Variants in CPEB4 observed in about 807,000 individuals in gnomAD.
CPEB4 encodes cytoplasmic polyadenylation element binding protein 4.
CPEB4 carries 12 observed loss-of-function variants against 72.5 expected under a neutral mutation model. That is an observed-to-expected ratio of 0.17 (90% confidence interval 0.11 to 0.27). The LOEUF (loss-of-function observed/expected upper bound fraction) is 0.27. Among genes scored for constraint, CPEB4 ranks in the 10% least tolerant of loss-of-function variants. CPEB4 has a pLI of 1.00. For missense variants in CPEB4, 614 were observed against 908.5 expected (o/e 0.68, Z 4.17); for synonymous variants, 302 against 326.3 (o/e 0.93, Z 0.80).
chr5:173,902,175 A>G (rs1195714475), intron 1 of CPEB4, among the ~76,000 whole-genome samples: 2 of 152,112 alleles, frequency 1.3e-5, no homozygotes, highest in African/African-American at 2.4e-5. Flanking sequence ...CAAAATTTCT[A>G]TTTATTTTGG....
intron 2 of CPEB4, among the ~76,000 whole-genome samples, chr5:173,919,536 A>G (rs1447826460): frequency 6.6e-6 from 1 of 152,206 alleles, no homozygotes; most frequent in Admixed American, 6.5e-5. Flanking sequence ...ATAAAATTCT[A>G]TAGAGGTGAC....
chr5:173,951,597 G>A (rs1758218701), intron 7 of CPEB4, among the ~76,000 whole-genome samples: 1 of 152,110 alleles, frequency 6.6e-6, no homozygotes. Context: ...AAGTAATTTG[G>A]CTTATAATAG....
chr5:173,942,988 G>GT (rs1561628879), intron 3 of CPEB4, 38 bp from the exon 4 acceptor site: 3 of 1,598,606 alleles, frequency 1.9e-6, no homozygotes, highest in African/African-American at 1.4e-5. Flanking sequence ...AGGTTGTTTT[G>GT]TTTTTTTGTT....
chr5:173,917,346 T>G (rs977441917), intron 2 of CPEB4, among the ~76,000 whole-genome samples: 1 of 152,216 alleles, frequency 6.6e-6, no homozygotes, highest in Non-Finnish European at 1.5e-5. Flanking sequence ...TAAGAACAGA[T>G]TACTGGTACC....
intron 3 of CPEB4, among the ~76,000 whole-genome samples, chr5:173,933,105 G>A (rs1157630638): frequency 1.3e-5 from 2 of 152,118 alleles, no homozygotes; most frequent in African/African-American, 4.8e-5. Context: ...TTTAGTGTCT[G>A]TTTTTTTAGT....
At chr5:173,923,591 A>G (rs1757144367) in intron 2 of CPEB4, among the ~76,000 whole-genome samples, 1 of 152,140 alleles carries the variant, frequency 6.6e-6, no homozygotes, top group African/African-American at 2.4e-5. Context: ...AACTTTTTGC[A>G]AGGTAGGAGA....
intron 9 of CPEB4, 158 bp downstream of exon 9, chr5:173,953,430 T>C (rs1758275552): frequency 4.3e-6 from 2 of 468,116 alleles, no homozygotes; most frequent in South Asian, 7.2e-5. Context: ...TAATGTCCTA[T>C]GAATTTCTTT....
In CPEB4 at chr5:173,890,551, A is replaced by G. The variant is rs1337139175; in HGVS notation, c.818A>G (p.His273Arg). The change falls in exon 1 of 10, where the codon CAT becomes CGT. Residue 273 changes from histidine (H) to arginine (R), a missense_variant. By Grantham distance (29) the His-to-Arg change is conservative. Coordinates refer to ENST00000265085, the MANE Select transcript of CPEB4 (RefSeq NM_030627.4). Reference sequence around the variant, plus strand: ...AATGCTGCTTTTAACCAGCTGCCTCATTTGGCGAATAATCTTAACAAACCC... The same window carrying G: ...AATGCTGCTTTTAACCAGCTGCCTCGTTTGGCGAATAATCTTAACAAACCC... ...HRNAAFNQLP[H>R]LANNLNKPPS... The G allele has an allele frequency of 1.2e-6, 2 of 1,614,046 alleles. No homozygotes were observed. The highest frequency in any genetic ancestry group is 1.7e-6 in the Non-Finnish European group (2 of 1,180,020).
At chr5:173,939,091 A>G (rs1685780815) in intron 3 of CPEB4, among the ~76,000 whole-genome samples, 2 of 152,346 alleles carry the variant, frequency 1.3e-5, no homozygotes, top group South Asian at 2.1e-4. Flanking sequence ...AGTTGAGACC[A>G]GCCTGGGCAA....
intron 2 of CPEB4, among the ~76,000 whole-genome samples, chr5:173,917,445 G>A (rs985572568): frequency 1.1e-4 from 17 of 152,228 alleles, no homozygotes; most frequent in Non-Finnish European, 1.8e-4. Flanking sequence ...TAAAGAAGAA[G>A]TGGATAGGCT....
intron 9 of CPEB4, 61 bp downstream of exon 9, chr5:173,953,333 A>G: frequency 7.7e-7 from 1 of 1,302,862 alleles, no homozygotes; most frequent in Middle Eastern, 2.0e-4. Context: ...TGTGATTACC[A>G]ATATTAGAAC....
intron 1 of CPEB4, among the ~76,000 whole-genome samples, chr5:173,903,956 A>G (rs1042602374): frequency 1.3e-5 from 2 of 152,228 alleles, no homozygotes; most frequent in African/African-American, 4.8e-5. Context: ...TTGTCCTGTG[A>G]AGTAGAGATG....
At position 173,910,610 on chromosome 5, in the gene CPEB4, T is replaced by A; in HGVS notation, c.1207+6T>A. ...TGAAAATGATACCATTAAAGGTAAG[T>A]TTAGAAATATACCCAATTGATTTCA... On this transcript the variant is annotated splice_donor_region_variant and intron_variant, in intron 2 of 9. Coordinates refer to ENST00000265085, the MANE Select transcript of CPEB4 (RefSeq NM_030627.4). 6.5e-7 allele frequency: 1 copy of A among 1,534,638 alleles called. No homozygotes were observed. Among genetic ancestry groups the A allele is most frequent in the Non-Finnish European group, 9.0e-7 (1 of 1,107,952 alleles).
Position 173,943,085 on chromosome 5 carries a change from T to C in CPEB4, c.1282+36T>C, listed in dbSNP as rs776151257. On this transcript the variant is annotated intron_variant, in intron 4 of 9. Transcript: ENST00000265085. Reference sequence around the variant, plus strand: ...TTTTAACTTTTAAATGTATCACTTGTATTTGGAGACGACCCAAGCTTGTTT... The same window carrying C: ...TTTTAACTTTTAAATGTATCACTTGCATTTGGAGACGACCCAAGCTTGTTT... 3 of 1,604,736 alleles carry C rather than the reference T, an allele frequency of 1.9e-6. No individual in the cohort carries two copies. In the East Asian group the frequency reaches 6.7e-5, roughly 36 times the overall value.
At position 173,888,460 on chromosome 5, in the gene CPEB4, G is replaced by C. The variant is rs972121449; in HGVS notation, c.-1274G>C. 58 of 440,174 alleles carry C rather than the reference G, an allele frequency of 1.3e-4. No individual in the cohort carries two copies. Among genetic ancestry groups the C allele is most frequent in the Non-Finnish European group, 2.1e-4 (54 of 253,718 alleles). 27.3% of individuals were successfully genotyped at this position (440,174 alleles called of 1,614,324 possible). A position where few individuals can be genotyped will look rare whatever the true frequency, so the allele number is the denominator to read the frequency against. ...AGCGGCGACAGCAGAGGAGGAAGAG[G>C]AGGAAGAAGGAAAGAAAAAGAAGAA... On this transcript the variant is annotated 5_prime_UTR_variant, in exon 1 of 10. Coordinates refer to ENST00000265085, the MANE Select transcript of CPEB4 (RefSeq NM_030627.4). This position sits in a 1 kb window ranked among gnomAD's most constrained non-coding sequence, Gnocchi z 4.3.
At chr5:173,949,480 T>C (rs977968384) in intron 5 of CPEB4, 28 bp from the exon 6 acceptor site, 1 of 1,465,432 alleles carries the variant, frequency 6.8e-7, no homozygotes, top group South Asian at 1.2e-5. Context: ...AATATTTAAA[T>C]CTACTGTTTT....
chr5:173,888,982 A>C lies in CPEB4; in HGVS notation c.-752A>C, dbSNP rs1018587895. ...GAGCCCAGGAACAGCGACCGCAGCA[A>C]GATCTGCACCCGGAGCCTCAGGAAC... On this transcript the variant is annotated 5_prime_UTR_variant, in exon 1 of 10. Transcript: ENST00000265085. This position sits in a 1 kb window ranked among gnomAD's most constrained non-coding sequence, Gnocchi z 4.3. 6.4e-6 allele frequency: 1 copy of C among 155,172 alleles called. No individual in the cohort carries two copies. Among genetic ancestry groups the C allele is most frequent in the Non-Finnish European group, 1.4e-5 (1 of 69,890 alleles). The allele number at this position is 155,172 out of a possible 1,614,324, so 9.6% of individuals were successfully genotyped here. A position where few individuals can be genotyped will look rare whatever the true frequency, so the allele number is the denominator to read the frequency against.
At chr5:173,903,904 T>C (rs1407832913) in intron 1 of CPEB4, among the ~76,000 whole-genome samples, 1 of 152,228 alleles carries the variant, frequency 6.6e-6, no homozygotes, top group East Asian at 1.9e-4. Context: ...TTTTATCAAC[T>C]TTGATTTTCA....
At position 173,957,816 on chromosome 5, in the gene CPEB4, A is replaced by G. The variant is rs565606808; in HGVS notation, c.*1679A>G. 40 of 152,922 alleles carry G rather than the reference A, an allele frequency of 2.6e-4. No individual in the cohort carries two copies. The highest frequency in any genetic ancestry group is 8.4e-4 in the African/African-American group (35 of 41,570). 9.5% of individuals were successfully genotyped at this position (152,922 alleles called of 1,614,324 possible). On this transcript the variant is annotated 3_prime_UTR_variant, in exon 10 of 10. Transcript: ENST00000265085. ...CTTATGACCCCTATGGATGATCTTT[A>G]GGAAAAGCAGCCCTTTACTTTTAAT...
Sources: gnomAD v4.1 joint callset for allele counts (sites outside exome capture counted in the v4.1 genomes callset) on GRCh38, gnomAD v4.1.1 for gene constraint, Gnocchi (gnomAD v3.1) non-coding constraint, MANE v1.5 for transcripts, NCBI Gene and HGNC (gene_info 2026-07-23, HGNC 2026-07-21) for gene names.